Variants in ADAMTS19 observed in about 807,000 individuals in gnomAD.
ADAMTS19 encodes A disintegrin and metalloproteinase with thrombospondin motifs 19.
In ADAMTS19, 93 loss-of-function variants were observed where a neutral mutation model predicts 153.3. That is an observed-to-expected ratio of 0.61 (90% CI 0.51 to 0.72). ADAMTS19 has a LOEUF of 0.72. Among genes scored for constraint, ADAMTS19 ranks in the 30% least tolerant of loss-of-function variants. The pLI is 0.00. For missense variants in ADAMTS19, 1,482 were observed against 1,552.1 expected (o/e 0.95, Z 0.76); for synonymous variants, 600 against 556.6 (o/e 1.08, Z -1.10).
intron 10 of ADAMTS19, among the ~76,000 whole-genome samples, chr5:129,637,917 C>T (rs140006663): frequency 8.5e-5 from 13 of 152,048 alleles, no homozygotes; most frequent in Non-Finnish European, 1.8e-4. Context: ...CTAAATGATA[C>T]GAACTTAGGA....
At chr5:129,599,519 A>G (rs73785215) in intron 8 of ADAMTS19, among the ~76,000 whole-genome samples, 6,697 of 152,264 alleles carry the variant, frequency 0.044, 460 homozygotes, top group African/African-American at 0.15. Flanking sequence ...GTATATTTTT[A>G]AACCGATATG....
intron 10 of ADAMTS19, among the ~76,000 whole-genome samples, chr5:129,624,622 T>G (rs17617039): frequency 0.081 from 12,269 of 152,198 alleles, 593 homozygotes; most frequent in Middle Eastern, 0.15. Context: ...TTATAAAGCA[T>G]TCCTACTGTA....
At chr5:129,616,519 G>A (rs1359366921) in intron 8 of ADAMTS19, among the ~76,000 whole-genome samples, 1 of 151,898 alleles carries the variant, frequency 6.6e-6, no homozygotes, top group African/African-American at 2.4e-5. Flanking sequence ...CATCAAAAGG[G>A]ACCATCTTCA....
chr5:129,640,927 C>T (rs980508913), intron 10 of ADAMTS19, among the ~76,000 whole-genome samples: 7 of 152,158 alleles, frequency 4.6e-5, no homozygotes, highest in Admixed American at 1.3e-4. Flanking sequence ...CGGGTTCAAG[C>T]AATTCTCGTG....
At chr5:129,728,523 A>T (rs67540991) in intron 21 of ADAMTS19, among the ~76,000 whole-genome samples, 8,125 of 152,142 alleles carry the variant, frequency 0.053, 325 homozygotes, top group African/African-American at 0.11. Flanking sequence ...CCTGAATTCT[A>T]TCTTGTAAGA....
chr5:129,605,201 G>A (rs1228970066), intron 8 of ADAMTS19, among the ~76,000 whole-genome samples: 1 of 152,130 alleles, frequency 6.6e-6, no homozygotes, highest in East Asian at 1.9e-4. Context: ...TTACAACAAA[G>A]CAAATTGCCT....
At position 129,658,159 on chromosome 5, in the gene ADAMTS19, G is replaced by A. The variant is rs113658957; in HGVS notation, c.2305-458G>A. Among the ~76,000 whole-genome samples the A allele has an allele frequency of 4.8e-3, 733 of 152,028 alleles. 12 individuals carry two copies. The highest frequency in any genetic ancestry group is 0.016 in the African/African-American group (683 of 41,454). ...AAATTAACCCAGCATGGTGACGCAT[G>A]CCTATAGTCCCAGCTACTCGGGAGG... On this transcript the variant is annotated intron_variant, in intron 14 of 22. Transcript: ENST00000274487.
rs1000735673 is a variant in ADAMTS19, at chr5:129,730,312, A to T, written c.3313-4620A>T. On this transcript the variant is annotated intron_variant, in intron 21 of 22. Coordinates refer to ENST00000274487, the MANE Select transcript of ADAMTS19 (RefSeq NM_133638.6). Reference sequence around the variant, plus strand: ...TCAGGTTTAAAGGACATAACATCCTAGTTTGTTGTTCTTTGATCTGCTATT... The same window carrying T: ...TCAGGTTTAAAGGACATAACATCCTTGTTTGTTGTTCTTTGATCTGCTATT... Among the ~76,000 whole-genome samples the T allele has an allele frequency of 5.3e-5, 8 of 152,100 alleles. No individual in the cohort carries two copies. The East Asian group carries it at 1.5e-3, about 29-fold the overall frequency.
At chr5:129,475,991 G>A (rs566663273) in intron 2 of ADAMTS19, among the ~76,000 whole-genome samples, 5 of 152,238 alleles carry the variant, frequency 3.3e-5, no homozygotes, top group African/African-American at 1.2e-4. Flanking sequence ...TTTTGGAAGA[G>A]ATTTTATCTT....
Position 129,521,924 on chromosome 5 carries a change from C to G in ADAMTS19, c.914-4360C>G, listed in dbSNP as rs1343332239. Among the ~76,000 whole-genome samples, 6 of 151,986 alleles carry G rather than the reference C, an allele frequency of 3.9e-5. No homozygotes were observed. The South Asian group carries it at 1.2e-3, about 32-fold the overall frequency. ...AATACTGATAGACAATTAATAGTCT[C>G]TACTACAGCATCTCATCCAGCAATG... On this transcript the variant is annotated intron_variant, in intron 3 of 22. Coordinates refer to ENST00000274487, the MANE Select transcript of ADAMTS19 (RefSeq NM_133638.6).
At chr5:129,719,866 C>T (rs1467048034) in intron 21 of ADAMTS19, among the ~76,000 whole-genome samples, 1 of 151,826 alleles carries the variant, frequency 6.6e-6, no homozygotes, top group East Asian at 2.0e-4. Flanking sequence ...TATGGTAAAA[C>T]CCCATCTCTA....
Position 129,647,838 on chromosome 5 carries a change from G to T in ADAMTS19, c.1946G>T (p.Ser649Ile). 6.2e-7 allele frequency: 1 copy of T among 1,614,110 alleles called. No homozygotes were observed. Among genetic ancestry groups the T allele is most frequent in the Non-Finnish European group, 8.5e-7 (1 of 1,179,992 alleles). ...EHLAGEWSLW[S>I]PCSRTCSAGI... ...CTGGCCGGAGAGTGGAGCCTGTGGAGTCCTTGTAGCCGAACCTGCAGTGCT... is the reference window on the plus strand; with the variant it reads ...CTGGCCGGAGAGTGGAGCCTGTGGATTCCTTGTAGCCGAACCTGCAGTGCT... The change falls in exon 12 of 23, where the codon AGT (serine) becomes ATT (isoleucine). Residue 649 changes from serine to isoleucine, a missense_variant. Physicochemically the swap from Ser to Ile is moderately radical, Grantham distance 142 (BLOSUM62 -2). Coordinates refer to ENST00000274487, the MANE Select transcript of ADAMTS19 (RefSeq NM_133638.6).
chr5:129,535,551 G>A (rs148783174), intron 6 of ADAMTS19, among the ~76,000 whole-genome samples: 2 of 152,060 alleles, frequency 1.3e-5, no homozygotes, highest in African/African-American at 4.8e-5. Context: ...CACAGAATTG[G>A]AAAAAGCTAC....
chr5:129,656,436 G>A (rs1427333546), intron 14 of ADAMTS19, among the ~76,000 whole-genome samples: 1 of 152,186 alleles, frequency 6.6e-6, no homozygotes. Context: ...TCCAGACTTA[G>A]TGAACGAAAG....
chr5:129,631,970 A>G (rs961514686), intron 10 of ADAMTS19, among the ~76,000 whole-genome samples: 2 of 151,946 alleles, frequency 1.3e-5, no homozygotes, highest in African/African-American at 2.4e-5. Context: ...TACTTTATCT[A>G]TTACATTTTT....
chr5:129,518,682 T>A (rs1751692090), intron 3 of ADAMTS19, among the ~76,000 whole-genome samples: 1 of 152,144 alleles, frequency 6.6e-6, no homozygotes, highest in Non-Finnish European at 1.5e-5. Context: ...TTGAATTAAA[T>A]CTGCTTGGTG....
At chr5:129,648,533 C>G (rs563621190) in intron 12 of ADAMTS19, among the ~76,000 whole-genome samples, 71 of 152,144 alleles carry the variant, frequency 4.7e-4, no homozygotes, top group African/African-American at 1.7e-3. Flanking sequence ...AGTTTCTGCC[C>G]TTTACTCTAA....
At chr5:129,703,547 A>C (rs558398535) in intron 20 of ADAMTS19, among the ~76,000 whole-genome samples, 1 of 152,260 alleles carries the variant, frequency 6.6e-6, no homozygotes, top group South Asian at 2.1e-4. Flanking sequence ...AGCCCAGCCA[A>C]CATGGCAAAT....
At chr5:129,669,408 A>T (rs1328294556) in intron 16 of ADAMTS19, among the ~76,000 whole-genome samples, 1 of 152,096 alleles carries the variant, frequency 6.6e-6, no homozygotes, top group East Asian at 1.9e-4. Context: ...AAACTTGTTT[A>T]TAATACTCTC....
Sources: allele counts gnomAD v4.1 joint callset (sites outside exome capture counted in the v4.1 genomes callset), GRCh38; gene constraint gnomAD v4.1.1; transcripts MANE v1.5; gene names NCBI Gene and HGNC (gene_info 2026-07-23, HGNC 2026-07-21).